C3orf70: variants seen among roughly 807,000 people sequenced by gnomAD.
C3orf70 encodes UPF0524 protein C3orf70.
A neutral mutation model predicts 20.7 loss-of-function variants in C3orf70; 15 were observed. The ratio of observed to expected loss-of-function variants is 0.72; its 90% CI spans 0.48 to 1.11. C3orf70 has a LOEUF of 1.11. Among genes scored for constraint, C3orf70 ranks in the 50% most tolerant of loss-of-function variants. C3orf70 has a pLI of 0.00. For synonymous variants in C3orf70, 161 were observed against 125.7 expected (o/e 1.28, Z -1.88); for missense variants, 332 against 317.6 (o/e 1.05, Z -0.34).
chr3:185,113,514 C>T (rs553300730), intron 1 of C3orf70, among the ~76,000 whole-genome samples: 5 of 152,180 alleles, frequency 3.3e-5, no homozygotes, highest in East Asian at 3.9e-4. Flanking sequence ...AAAACTTATC[C>T]GGTCATAAAA....
chr3:185,104,133 C>G (rs11719078), intron 1 of C3orf70, among the ~76,000 whole-genome samples: 2 of 152,208 alleles, frequency 1.3e-5, no homozygotes, highest in African/African-American at 4.8e-5. Context: ...CTGGCTCCCC[C>G]CTCCGCTGTG....
intron 1 of C3orf70, among the ~76,000 whole-genome samples, chr3:185,102,261 C>T (rs1005472935): frequency 5.3e-5 from 8 of 152,252 alleles, no homozygotes; most frequent in African/African-American, 1.9e-4. Flanking sequence ...GATTAGCATT[C>T]CTATATACCA....
chr3:185,087,913 A>T (rs59736429), intron 1 of C3orf70, among the ~76,000 whole-genome samples: 4,536 of 134,490 alleles, frequency 0.034, 85 homozygotes, highest in African/African-American at 0.064. Context: ...AGTTTTATAC[A>T]TTTTTTTTTT....
rs145691557 is a variant in C3orf70, at chr3:185,103,105, C to T, written c.197-19542G>A. Among the ~76,000 whole-genome samples the T allele has an allele frequency of 2.4e-3, 371 of 152,022 alleles. 11 individuals carry two copies. In the East Asian group the frequency reaches 0.066, roughly 27 times the overall value. On this transcript the variant is annotated intron_variant, in intron 1 of 1. Coordinates refer to ENST00000335012, the MANE Select transcript of C3orf70 (RefSeq NM_001025266.3). ...ACTAAAAATACAAAAATTAGCCAGG[C>T]GTGGTGGCACCTGCCTGTAATCCCA...
chr3:185,091,074 AT>A (rs1715559695), intron 1 of C3orf70, among the ~76,000 whole-genome samples: 1 of 152,158 alleles, frequency 6.6e-6, no homozygotes, highest in Non-Finnish European at 1.5e-5. Context: ...CTATGGGGAA[AT>A]AAGATGAAGT....
intron 1 of C3orf70, among the ~76,000 whole-genome samples, chr3:185,087,440 C>T (rs1197907851): frequency 1.3e-5 from 2 of 152,140 alleles, no homozygotes; most frequent in East Asian, 3.8e-4. Flanking sequence ...GATGGATGAA[C>T]AGATAAACAA....
At position 185,124,062 on chromosome 3, in the gene C3orf70, C is replaced by T. The variant is rs116593537; in HGVS notation, c.196+28566G>A. Among the ~76,000 whole-genome samples, 715 of 152,160 alleles carry T rather than the reference C, an allele frequency of 4.7e-3. 6 individuals carry two copies. The highest frequency in any genetic ancestry group is 0.016 in the African/African-American group (677 of 41,532). ...TTTTTTCTTGTCGTTATTCTCTAAA[C>T]AATAAAATATAACAACTGTTTCCAT... is the stretch of plus-strand genomic sequence containing the variant. On this transcript the variant is annotated intron_variant, in intron 1 of 1. Transcript: ENST00000335012.
intron 1 of C3orf70, among the ~76,000 whole-genome samples, chr3:185,143,501 C>T (rs1204204407): frequency 6.6e-6 from 1 of 152,114 alleles, no homozygotes; most frequent in Non-Finnish European, 1.5e-5. Context: ...AGGCATTGTA[C>T]AGATACAGCT....
intron 1 of C3orf70, among the ~76,000 whole-genome samples, chr3:185,099,232 A>T (rs1715774989): frequency 6.6e-6 from 1 of 152,190 alleles, no homozygotes; most frequent in South Asian, 2.1e-4. Flanking sequence ...AGAGAACCCC[A>T]GTAAGCTACT....
chr3:185,110,624 T>C (rs6770464), intron 1 of C3orf70, among the ~76,000 whole-genome samples: 7,768 of 152,070 alleles, frequency 0.051, 646 homozygotes, highest in African/African-American at 0.18. Flanking sequence ...GTGACATGTT[T>C]GTGATGGCCA....
chr3:185,148,656 C>T (rs1228924911), intron 1 of C3orf70, among the ~76,000 whole-genome samples: 1 of 152,210 alleles, frequency 6.6e-6, no homozygotes, highest in African/African-American at 2.4e-5. Context: ...AAAACCTTCA[C>T]TCGTTAATTC....
At chr3:185,133,329 G>A (rs1410150051) in intron 1 of C3orf70, among the ~76,000 whole-genome samples, 1 of 152,182 alleles carries the variant, frequency 6.6e-6, no homozygotes, top group Non-Finnish European at 1.5e-5. Context: ...GGACTTTAAA[G>A]ATGTACCTCC....
intron 1 of C3orf70, among the ~76,000 whole-genome samples, chr3:185,092,451 C>A (rs372489188): frequency 6.6e-6 from 1 of 152,102 alleles, no homozygotes; most frequent in Non-Finnish European, 1.5e-5. Context: ...TCACCTCCCC[C>A]CAAACCCTAG....
At chr3:185,127,988 C>G (rs944612493) in intron 1 of C3orf70, among the ~76,000 whole-genome samples, 1 of 152,146 alleles carries the variant, frequency 6.6e-6, no homozygotes. Context: ...ACCTCTTATG[C>G]TTATAGTTCT....
At chr3:185,091,151 T>A (rs1351302076) in intron 1 of C3orf70, among the ~76,000 whole-genome samples, 1 of 152,130 alleles carries the variant, frequency 6.6e-6, no homozygotes, top group Non-Finnish European at 1.5e-5. Context: ...AAACAAGAGT[T>A]GAATAAGACT....
intron 1 of C3orf70, 55 bp downstream of exon 1, chr3:185,152,573 C>T (rs917154968): frequency 1.3e-6 from 2 of 1,482,360 alleles, no homozygotes; most frequent in African/African-American, 2.9e-5. Context: ...CCCGGACGGC[C>T]CGGCGGGCGT....
intron 1 of C3orf70, among the ~76,000 whole-genome samples, chr3:185,092,783 G>C (rs1031136057): frequency 6.6e-6 from 1 of 152,156 alleles, no homozygotes; most frequent in Non-Finnish European, 1.5e-5. Context: ...ACGAGGTCAG[G>C]AGATCGAGAC....
At chr3:185,131,232 A>C (rs922496343) in intron 1 of C3orf70, among the ~76,000 whole-genome samples, 30 of 152,366 alleles carry the variant, frequency 2.0e-4, no homozygotes, top group African/African-American at 7.0e-4. Flanking sequence ...AATTAAAAGA[A>C]TATCCACCTT....
At chr3:185,089,515 T>G (rs1475733609) in intron 1 of C3orf70, among the ~76,000 whole-genome samples, 1 of 152,186 alleles carries the variant, frequency 6.6e-6, no homozygotes, top group Non-Finnish European at 1.5e-5. Flanking sequence ...TTACACACAT[T>G]CTTCAGATTG....
Sources: gnomAD v4.1 joint callset for allele counts (sites outside exome capture counted in the v4.1 genomes callset) on GRCh38, gnomAD v4.1.1 for gene constraint, MANE v1.5 for transcripts, NCBI Gene and HGNC (gene_info 2026-07-23, HGNC 2026-07-21) for gene names.